Variants in DENND1A observed in about 807,000 individuals in gnomAD.
DENND1A encodes the protein DENN domain containing 1A.
DENND1A carries 51 observed loss-of-function variants against 113.7 expected under a neutral mutation model. The ratio of observed to expected loss-of-function variants is 0.45; its 90% CI spans 0.36 to 0.57. DENND1A has a LOEUF of 0.57. Among genes scored for constraint, DENND1A ranks in the 20% least tolerant of loss-of-function variants. The pLI, the probability that DENND1A is intolerant of heterozygous loss-of-function variation, is 0.00. For synonymous variants in DENND1A, 565 were observed against 570.8 expected, an observed-to-expected ratio of 0.99 and a Z score of 0.14; for missense variants, 1,258 against 1,395.9, an observed-to-expected ratio of 0.90 and a Z score of 1.57.
Position 123,477,974 on chromosome 9 carries a change from G to C in DENND1A, c.994-20077C>G, listed in dbSNP as rs570117849. ...CTTGGAAAAGTGCAAGTTCTCAGAG[G>C]GGTCTGTTCATCCCTGGGCTCTTCA... is the stretch of plus-strand genomic sequence containing the variant. On this transcript the variant is annotated intron_variant, in intron 13 of 23. Coordinates refer to ENST00000394215, the MANE Select transcript of DENND1A (RefSeq NM_001352964.2). Among the ~76,000 whole-genome samples, 14 of 152,256 alleles carry C rather than the reference G, an allele frequency of 9.2e-5. No individual in the cohort carries two copies. In the East Asian group the frequency reaches 2.7e-3, roughly 29 times the overall value.
At chr9:123,425,512 T>C (rs2045649172) in intron 19 of DENND1A, among the ~76,000 whole-genome samples, 1 of 152,274 alleles carries the variant, frequency 6.6e-6, no homozygotes, top group African/African-American at 2.4e-5. Context: ...CTTGCTCTGC[T>C]GAACCGACTG....
At position 123,520,512 on chromosome 9, in the gene DENND1A, G is replaced by T. The variant is rs74910960; in HGVS notation, c.993+37058C>A. ...TTGTGGTGAGGGTGTAAGGTCCACA[G>T]GTGAAATAGCAGCCACCCTGAGCTC... On this transcript the variant is annotated intron_variant, in intron 13 of 23. Transcript: ENST00000394215. 4.0e-3 allele frequency among the ~76,000 whole-genome samples: 604 copies of T among 152,326 alleles called. 9 individuals are homozygous for T. In the East Asian group the frequency reaches 0.063, roughly 16 times the overall value.
Position 123,381,665 on chromosome 9 carries a change from C to A in DENND1A, c.2980G>T (p.Ala994Ser). ...GCCAGCCCCTGCTTGGTCTCAGCAGCCCTGGCACTTGAGCGGGCCAGGGGC... is the reference window on the plus strand; with the variant it reads ...GCCAGCCCCTGCTTGGTCTCAGCAGACCTGGCACTTGAGCGGGCCAGGGGC... ...TLPLARSSARAAETKQGLALR... is the reference protein window; with the variant it reads ...TLPLARSSARSAETKQGLALR... Residue 994 changes from alanine (A) to serine (S), a missense_variant, in exon 24 of 24, where the codon GCT becomes TCT. This residue lies in a region of DENND1A where 1,159 missense variants were observed against 1,231.7 expected (regional missense o/e 0.94). Coordinates refer to ENST00000394215, the MANE Select transcript of DENND1A (RefSeq NM_001352964.2). This position sits in a 1 kb window ranked among gnomAD's most constrained non-coding sequence, Gnocchi z 4.7. 1.9e-6 allele frequency: 3 copies of A among 1,600,328 alleles called. No individual in the cohort carries two copies. Among genetic ancestry groups the A allele is most frequent in the Non-Finnish European group, 2.6e-6 (3 of 1,173,734 alleles).
intron 2 of DENND1A, among the ~76,000 whole-genome samples, chr9:123,809,329 G>A (rs73666292): frequency 0.024 from 3,584 of 152,150 alleles, 155 homozygotes; most frequent in African/African-American, 0.081. Context: ...TTAAAATGTT[G>A]GACTGGAAAT....
chr9:123,403,489 A>T lies in DENND1A; in HGVS notation c.1544T>A (p.Val515Glu), dbSNP rs1442342755. The T allele has an allele frequency of 6.2e-7, 1 of 1,613,836 alleles. No homozygotes were observed. The highest frequency in any genetic ancestry group is 8.5e-7 in the Non-Finnish European group (1 of 1,179,950). The change falls in exon 21 of 24, where the codon GTG becomes GAG. Residue 515 changes from valine to glutamate, a missense_variant and splice_region_variant. Val to Glu is a moderately radical substitution (Grantham distance 121). Transcript: ENST00000394215. Reference protein sequence around the residue: ...PPPKIQRSRPVRPPRPHVVKR... With the variant: ...PPPKIQRSRPERPPRPHVVKR... Reference sequence around the variant, plus strand: ...AACAACATGTGGACGAGGTGGGCGCACCTAGAGGAGGTACAGGGGGAGAGC... The same window carrying T: ...AACAACATGTGGACGAGGTGGGCGCTCCTAGAGGAGGTACAGGGGGAGAGC...
At chr9:123,832,170 A>T (rs370008891) in intron 2 of DENND1A, among the ~76,000 whole-genome samples, 1 of 152,224 alleles carries the variant, frequency 6.6e-6, no homozygotes, top group East Asian at 1.9e-4. Flanking sequence ...AGTACAAGGT[A>T]AATTATAACA....
chr9:123,801,631 T>C (rs2489159), intron 2 of DENND1A, among the ~76,000 whole-genome samples: 31,100 of 152,164 alleles, frequency 0.2, 4,899 homozygotes, highest in African/African-American at 0.44. Flanking sequence ...TTCTTTTGCA[T>C]ATATATCCAC....
intron 2 of DENND1A, among the ~76,000 whole-genome samples, chr9:123,833,347 TA>T (rs1221422693): frequency 6.6e-6 from 1 of 151,992 alleles, no homozygotes; most frequent in East Asian, 1.9e-4. Flanking sequence ...TTTCATGTTA[TA>T]AAAAAGTTTT....
chr9:123,580,942 G>A (rs1222116607), intron 12 of DENND1A, among the ~76,000 whole-genome samples: 1 of 152,136 alleles, frequency 6.6e-6, no homozygotes, highest in African/African-American at 2.4e-5. Context: ...TCACCTACAG[G>A]ATTTCAGGCA....
At chr9:123,565,554 C>T (rs778651662) in intron 12 of DENND1A, among the ~76,000 whole-genome samples, 3 of 152,172 alleles carry the variant, frequency 2.0e-5, no homozygotes, top group African/African-American at 4.8e-5. Context: ...TTTCCTCCCC[C>T]CTTTAAGGAC....
At chr9:123,489,594 G>A (rs2051193955) in intron 13 of DENND1A, among the ~76,000 whole-genome samples, 1 of 152,238 alleles carries the variant, frequency 6.6e-6, no homozygotes. Flanking sequence ...TAAAAGTCAA[G>A]TTTGGCTCTT....
intron 5 of DENND1A, among the ~76,000 whole-genome samples, chr9:123,705,834 T>C (rs2066159100): frequency 6.6e-6 from 1 of 152,052 alleles, no homozygotes; most frequent in South Asian, 2.1e-4. Flanking sequence ...AAAGGCACAA[T>C]ACCAAGAAAA....
chr9:123,811,935 G>A (rs1364736329), intron 2 of DENND1A, among the ~76,000 whole-genome samples: 2 of 152,140 alleles, frequency 1.3e-5, no homozygotes, highest in Non-Finnish European at 2.9e-5. Flanking sequence ...AATGCACCCT[G>A]AGAAATGCAT....
intron 5 of DENND1A, among the ~76,000 whole-genome samples, chr9:123,723,264 T>C (rs1036738285): frequency 2.0e-5 from 3 of 152,226 alleles, no homozygotes; most frequent in Non-Finnish European, 4.4e-5. Flanking sequence ...CCCCAGTGTA[T>C]CCAGGAAGTA....
chr9:123,582,851 A>G (rs1038006893), intron 12 of DENND1A, among the ~76,000 whole-genome samples: 2 of 151,738 alleles, frequency 1.3e-5, no homozygotes, highest in Admixed American at 6.6e-5. Context: ...CGCATGCACC[A>G]CCATGCCTGG....
At chr9:123,520,991 A>G (rs1456160775) in intron 13 of DENND1A, among the ~76,000 whole-genome samples, 3 of 152,202 alleles carry the variant, frequency 2.0e-5, no homozygotes, top group Non-Finnish European at 4.4e-5. Flanking sequence ...ACATTCAAAT[A>G]AAAAGGAAGA....
intron 5 of DENND1A, among the ~76,000 whole-genome samples, chr9:123,699,616 C>CT (rs944181388): frequency 6.6e-6 from 1 of 150,644 alleles, no homozygotes; most frequent in African/African-American, 2.4e-5. Context: ...AACTCAGTTC[C>CT]TTTTTTTTCC....
intron 1 of DENND1A, among the ~76,000 whole-genome samples, chr9:123,885,670 C>G (rs1365261054): frequency 6.6e-6 from 1 of 152,214 alleles, no homozygotes; most frequent in Non-Finnish European, 1.5e-5. Context: ...GTTTTTGCTT[C>G]TGGGAGAATG....
intron 8 of DENND1A, among the ~76,000 whole-genome samples, chr9:123,662,839 G>A (rs913163113): frequency 1.3e-5 from 2 of 152,174 alleles, no homozygotes; most frequent in African/African-American, 4.8e-5. Flanking sequence ...GAATGGGAGA[G>A]GGGAAATATG....
Sources: allele counts gnomAD v4.1 joint callset (sites outside exome capture counted in the v4.1 genomes callset), GRCh38; gene constraint gnomAD v4.1.1; regional missense constraint gnomAD v4.1.1; non-coding constraint Gnocchi (gnomAD v3.1); transcripts MANE v1.5; gene names NCBI Gene and HGNC (gene_info 2026-07-23, HGNC 2026-07-21).